The following COQ8A variants were observed in gnomAD, a reference collection of about 807,000 sequenced individuals.
COQ8A encodes the protein atypical kinase COQ8A, mitochondrial.
A neutral mutation model predicts 65.0 loss-of-function variants in COQ8A; 51 were observed. That is an observed-to-expected ratio of 0.78 (90% CI 0.63 to 0.99). The LOEUF (loss-of-function observed/expected upper bound fraction) is 0.99, where lower values mean the gene tolerates loss of function less well. Among genes scored for constraint, COQ8A ranks in the 50% least tolerant of loss-of-function variants. COQ8A has a pLI of 0.00. For missense variants in COQ8A, 940 were observed against 875.0 expected, an observed-to-expected ratio of 1.07 and a Z score of -0.94; for synonymous variants, 371 against 353.2, an observed-to-expected ratio of 1.05 and a Z score of -0.57.
chr1:226,973,590 C>T (rs1038857314), intron 4 of COQ8A, among the ~76,000 whole-genome samples: 5 of 152,304 alleles, frequency 3.3e-5, no homozygotes, highest in South Asian at 2.1e-4. Flanking sequence ...TGAGAGCAGC[C>T]GCTAGGAACT....
Position 226,984,214 on chromosome 1 carries a change from C to T in COQ8A, c.1377C>T (p.Leu459=). ...TCCCCCTGGACCAGGCCGAAGGGCT[C>T]AGCCAGGAGATTCGGAACGAGGTTT... ...SGFPLDQAEG[L]SQEIRNEICY... is the part of the protein sequence containing the mutation. The change falls in exon 11 of 15, where the codon CTC becomes CTT. Residue 459 remains leucine (L), a synonymous_variant. Coordinates refer to ENST00000366777, the MANE Select transcript of COQ8A (RefSeq NM_020247.5). 6.2e-7 allele frequency: 1 copy of T among 1,613,758 alleles called. No individual in the cohort carries two copies. The highest frequency in any genetic ancestry group is 1.7e-4 in the Middle Eastern group (1 of 6,058).
At chr1:226,978,115 C>A (rs111162992) in intron 5 of COQ8A, among the ~76,000 whole-genome samples, 1 of 149,810 alleles carries the variant, frequency 6.7e-6, no homozygotes, top group African/African-American at 2.5e-5. Context: ...CGTCACACAC[C>A]CCCTGCACAC....
In COQ8A at chr1:226,965,098, C is replaced by A; in HGVS notation, c.276C>A (p.Asp92Glu). ...SVPHAAGAST[D>E]FSSASAPDQS... Reference sequence around the variant, plus strand: ...CGCATGCAGCCGGAGCCTCCACAGACTTCTCTTCAGCCTCCGCTCCCGACC... The same window carrying A: ...CGCATGCAGCCGGAGCCTCCACAGAATTCTCTTCAGCCTCCGCTCCCGACC... The change falls in exon 3 of 15, where the codon GAC becomes GAA. Residue 92 changes from aspartate to glutamate, a missense_variant. Physicochemically the swap from Asp to Glu is conservative, Grantham distance 45. Transcript: ENST00000366777. 1.2e-6 allele frequency: 2 copies of A among 1,614,014 alleles called. No homozygotes were observed. The highest frequency in any genetic ancestry group is 2.2e-5 in the South Asian group (2 of 91,086).
chr1:226,984,515 C>CT, intron 11 of COQ8A, 33 bp from the exon 12 acceptor site: 1 of 1,566,792 alleles, frequency 6.4e-7, no homozygotes, highest in Non-Finnish European at 8.8e-7. Context: ...CAGTGTGGTG[C>CT]TGCCTGACAC....
Position 226,984,442 on chromosome 1 carries a change from AG to A in COQ8A, c.1399-103del, listed in dbSNP as rs1659946956. Reference sequence around the variant, plus strand: ...TAACACTGGGAATCAAACAGTCCCTAGGGTAGGGTGGGTAAAACAGGAGGCA... The same window carrying A: ...TAACACTGGGAATCAAACAGTCCCTAGGTAGGGTGGGTAAAACAGGAGGCA... On this transcript the variant is annotated intron_variant, in intron 11 of 14. Coordinates refer to ENST00000366777, the MANE Select transcript of COQ8A (RefSeq NM_020247.5). The A allele has an allele frequency of 3.9e-6, 5 of 1,295,114 alleles. No homozygotes were observed. In the South Asian group the frequency reaches 6.0e-5, roughly 15 times the overall value. 80.2% of individuals were successfully genotyped at this position (1,295,114 alleles called of 1,614,324 possible).
rs1558173459 is a variant in COQ8A at position 226,940,310 on chromosome 1, CGTG to C, written c.-97_-95del. On this transcript the variant is annotated 5_prime_UTR_variant, in exon 1 of 15. Transcript: ENST00000366777. ...CGAGTTGGTAAACAGATCCGGAGCG[CGTG>C]GCGGGCGTCAGCGCGGTGGCCAGCG... 1.3e-5 allele frequency: 2 copies of C among 152,326 alleles called. No individual in the cohort carries two copies. 9.4% of individuals were successfully genotyped at this position (152,326 alleles called of 1,614,324 possible).
chr1:226,982,159 C>T lies in COQ8A; in HGVS notation c.853+10C>T, dbSNP rs367945973. On this transcript the variant is annotated intron_variant, in intron 6 of 14. Transcript: ENST00000366777. ...ATGCTGAGCATCCAGGGTGAGTGGG[C>T]GCGGGGGCTGCTGCCCCGGGACTGC... The T allele has an allele frequency of 3.2e-5, 51 of 1,571,266 alleles. No homozygotes were observed. The highest frequency in any genetic ancestry group is 2.2e-4 in the South Asian group (19 of 86,280).
Position 226,984,620 on chromosome 1 carries a change from T to C in COQ8A, c.1471T>C (p.Trp491Arg), listed in dbSNP as rs1278938202. 1 of 1,614,166 alleles carries C rather than the reference T, an allele frequency of 6.2e-7. No homozygotes were observed. The highest frequency in any genetic ancestry group is 8.5e-7 in the Non-Finnish European group (1 of 1,180,024). Reference protein sequence around the residue: ...EFHFMQTDPNWSNFFYDPQQH... With the variant: ...EFHFMQTDPNRSNFFYDPQQH... ...CCACTTCATGCAAACAGACCCCAAC[T>C]GGTCCAACTTCTTCTATGACCCCCA... is the stretch of plus-strand genomic sequence containing the variant. Residue 491 changes from tryptophan to arginine, a missense_variant, in exon 12 of 15, where the codon TGG becomes CGG. Physicochemically the swap from Trp to Arg is moderately radical, Grantham distance 101. Transcript: ENST00000366777.
At position 226,987,084 on chromosome 1, in the gene COQ8A, G is replaced by A. The variant is rs1271027984; in HGVS notation, c.*347G>A. 2.8e-6 allele frequency: 1 copy of A among 361,636 alleles called. No individual in the cohort carries two copies. The highest frequency in any genetic ancestry group is 6.4e-5 in the East Asian group (1 of 15,504). 22.4% of individuals were successfully genotyped at this position (361,636 alleles called of 1,614,324 possible). A position where few individuals can be genotyped will look rare whatever the true frequency, so the allele number is the denominator to read the frequency against. On this transcript the variant is annotated 3_prime_UTR_variant, in exon 15 of 15. Transcript: ENST00000366777. The stretch of plus-strand genomic sequence containing the variant: ...CTTACTCCCTTCCAATCTCTGTTCA[G>A]TGCAAAACCCAGAAACATGAACAGA...
At position 226,953,000 on chromosome 1, in the gene COQ8A, CA is replaced by C. The variant is rs201032670; in HGVS notation, c.-9-8376del. On this transcript the variant is annotated intron_variant, in intron 1 of 14. Transcript: ENST00000366777. ...TATAATAATACACTTTCTTATTTGT[CA>C]GTAAACACCTTTCACAGTGTTATTT... 6.8e-3 allele frequency among the ~76,000 whole-genome samples: 1,029 copies of C among 152,134 alleles called. 9 individuals carry two copies. The highest frequency in any genetic ancestry group is 0.024 in the African/African-American group (977 of 41,512).
intron 1 of COQ8A, among the ~76,000 whole-genome samples, chr1:226,960,910 C>G (rs929329478): frequency 2.6e-5 from 4 of 152,014 alleles, no homozygotes; most frequent in African/African-American, 9.7e-5. Context: ...GGTTGGAGCA[C>G]CAATGCCGTG....
intron 6 of COQ8A, 119 bp from the exon 7 acceptor site, chr1:226,982,559 A>T: frequency 9.1e-7 from 1 of 1,100,924 alleles, no homozygotes; most frequent in Non-Finnish European, 1.4e-6. Context: ...TTCTGGCCTC[A>T]CCCGTGCTCC....
rs377529632 is a variant in COQ8A at position 226,984,536 on chromosome 1, C to T, written c.1399-12C>T. ...GGTGCTGCCTGACACAGACCCTTCG[C>T]GCTGTCCACAGATCTGCTACAACAT... On this transcript the variant is annotated splice_polypyrimidine_tract_variant and intron_variant, in intron 11 of 14. Transcript: ENST00000366777. 3.8e-4 allele frequency: 609 copies of T among 1,604,954 alleles called. 5 individuals are homozygous for T. In the South Asian group the frequency reaches 6.3e-3, roughly 17 times the overall value.
Position 226,984,199 on chromosome 1 carries a change from C to A in COQ8A, c.1362C>A (p.Asp454Glu). Residue 454 changes from aspartate (D) to glutamate (E), a missense_variant, in exon 11 of 15, where the codon GAC becomes GAA. Physicochemically the swap from Asp to Glu is conservative, Grantham distance 45. Coordinates refer to ENST00000366777, the MANE Select transcript of COQ8A (RefSeq NM_020247.5). The stretch of plus-strand genomic sequence containing the variant: ...AGCTGGTGTCTGGCTTCCCCCTGGA[C>A]CAGGCCGAAGGGCTCAGCCAGGAGA... Reference protein sequence around the residue: ...TTELVSGFPLDQAEGLSQEIR... With the variant: ...TTELVSGFPLEQAEGLSQEIR... 2.5e-6 allele frequency: 4 copies of A among 1,613,814 alleles called. No homozygotes were observed. The highest frequency in any genetic ancestry group is 1.7e-6 in the Non-Finnish European group (2 of 1,179,990).
At chr1:226,964,660 C>T (rs1466806533) in intron 2 of COQ8A, among the ~76,000 whole-genome samples, 3 of 152,212 alleles carry the variant, frequency 2.0e-5, no homozygotes, top group African/African-American at 7.2e-5. Context: ...CCTGGTTTAC[C>T]ATCTCCAAAG....
intron 1 of COQ8A, among the ~76,000 whole-genome samples, chr1:226,950,103 T>G (rs149381908): frequency 6.6e-5 from 10 of 152,338 alleles, no homozygotes; most frequent in African/African-American, 2.4e-4. Flanking sequence ...AAAAGCCTTG[T>G]GTGTCATCGG....
In COQ8A at chr1:226,986,949, C is replaced by T; in HGVS notation, c.*212C>T. 1 of 620,262 alleles carries T rather than the reference C, an allele frequency of 1.6e-6. No homozygotes were observed. The highest frequency in any genetic ancestry group is 2.8e-6 in the Non-Finnish European group (1 of 355,198). 38.4% of individuals were successfully genotyped at this position (620,262 alleles called of 1,614,324 possible). A position where few individuals can be genotyped will look rare whatever the true frequency, so the allele number is the denominator to read the frequency against. ...CAAGAATGAAGATGAAGCCCCACTG[C>T]TCGGTCAGTCTGCCTCCGTGTGTCC... On this transcript the variant is annotated 3_prime_UTR_variant, in exon 15 of 15. Transcript: ENST00000366777.
intron 5 of COQ8A, among the ~76,000 whole-genome samples, chr1:226,978,861 C>T (rs1659507431): frequency 7.8e-6 from 1 of 127,644 alleles, no homozygotes; most frequent in East Asian, 2.2e-4. Flanking sequence ...ACCTGCACAC[C>T]ACCTTACACA....
At chr1:226,944,948 CT>C (rs899240600) in intron 1 of COQ8A, among the ~76,000 whole-genome samples, 36 of 152,156 alleles carry the variant, frequency 2.4e-4, no homozygotes, top group African/African-American at 8.0e-4. Context: ...TGTAGCGCCC[CT>C]CTCTGCCTTT....
Sources: gnomAD v4.1 joint callset for allele counts (sites outside exome capture counted in the v4.1 genomes callset) on GRCh38, gnomAD v4.1.1 for gene constraint, MANE v1.5 for transcripts, NCBI Gene and HGNC (gene_info 2026-07-23, HGNC 2026-07-21) for gene names.